The following WASL variants were observed in gnomAD, a reference collection of about 807,000 sequenced individuals.
WASL encodes actin nucleation-promoting factor WASL.
In WASL, 20 loss-of-function variants were observed where a neutral mutation model predicts 55.5. The observed-to-expected ratio is 0.36, with a 90% CI of 0.25 to 0.52. The LOEUF (loss-of-function observed/expected upper bound fraction) is 0.52. Ranked by LOEUF, WASL falls within the 20% of genes least tolerant of loss-of-function variation. The pLI, the probability that WASL is intolerant of heterozygous loss-of-function variation, is 0.92. For missense variants in WASL, 504 were observed against 622.5 expected, an observed-to-expected ratio of 0.81 and a Z score of 2.03; for synonymous variants, 249 against 217.6, an observed-to-expected ratio of 1.14 and a Z score of -1.27.
chr7:123,685,405 C>A (rs2109725), intron 10 of WASL, among the ~76,000 whole-genome samples: 1 of 151,542 alleles, frequency 6.6e-6, no homozygotes, highest in Non-Finnish European at 1.5e-5. Flanking sequence ...CCCTTAAACT[C>A]ACCAATCTTA....
intron 1 of WASL, among the ~76,000 whole-genome samples, chr7:123,711,388 A>T (rs1803755074): frequency 6.6e-6 from 1 of 152,216 alleles, no homozygotes; most frequent in Non-Finnish European, 1.5e-5. Context: ...AATTTTTCAC[A>T]GACAGGATAC....
chr7:123,689,549 G>A (rs13230230), intron 9 of WASL, among the ~76,000 whole-genome samples: 69,120 of 151,992 alleles, frequency 0.45, 15,989 homozygotes, highest in South Asian at 0.66. Flanking sequence ...GAGTTGTTAC[G>A]TGGGACGCAC....
At chr7:123,745,587 T>C (rs898467433) in intron 1 of WASL, among the ~76,000 whole-genome samples, 2 of 152,168 alleles carry the variant, frequency 1.3e-5, no homozygotes, top group Admixed American at 6.5e-5. Flanking sequence ...ACGTGGACTT[T>C]AGCAGTGGTT....
chr7:123,725,864 A>T (rs1240293142), intron 1 of WASL, among the ~76,000 whole-genome samples: 1 of 152,290 alleles, frequency 6.6e-6, no homozygotes, highest in South Asian at 2.1e-4. Context: ...TGGGATTTCA[A>T]TTCCTTCCCT....
intron 5 of WASL, among the ~76,000 whole-genome samples, chr7:123,701,473 G>C (rs565227350): frequency 6.6e-6 from 1 of 152,340 alleles, no homozygotes; most frequent in South Asian, 2.1e-4. Flanking sequence ...ACGAAGCTGA[G>C]AACAAATCAT....
At chr7:123,747,686 A>C (rs950173075) in intron 1 of WASL, among the ~76,000 whole-genome samples, 1 of 152,114 alleles carries the variant, frequency 6.6e-6, no homozygotes, top group Non-Finnish European at 1.5e-5. Context: ...ATTTCAACAA[A>C]CCACACTTCA....
chr7:123,693,505 T>C (rs1803445901), intron 8 of WASL, among the ~76,000 whole-genome samples: 1 of 152,246 alleles, frequency 6.6e-6, no homozygotes, highest in South Asian at 2.1e-4. Context: ...GTTGCTTTGT[T>C]GAAATGCTCA....
intron 1 of WASL, among the ~76,000 whole-genome samples, chr7:123,732,564 C>A (rs1292910775): frequency 6.6e-6 from 1 of 152,020 alleles, no homozygotes; most frequent in Non-Finnish European, 1.5e-5. Context: ...TTATTAATAA[C>A]CTTCCAAAGC....
chr7:123,689,277 C>T (rs957908965), intron 9 of WASL, 127 bp from the exon 10 acceptor site: 26 of 673,898 alleles, frequency 3.9e-5, no homozygotes, highest in South Asian at 3.2e-4. Context: ...AACTGGCAAG[C>T]GCAGGACAAG....
chr7:123,717,524 C>G lies in WASL; in HGVS notation c.118-8301G>C, dbSNP rs889420330. Among the ~76,000 whole-genome samples the G allele has an allele frequency of 2.0e-5, 3 of 152,292 alleles. No individual in the cohort carries two copies. In the South Asian group the frequency reaches 6.2e-4, roughly 32 times the overall value. ...GATGCATCCGGACTCAATCTTTAAC[C>G]CAAGGATTTGCATGAGTGTTGCCCA... On this transcript the variant is annotated intron_variant, in intron 1 of 10. Transcript: ENST00000223023.
intron 3 of WASL, 131 bp from the exon 4 acceptor site, chr7:123,706,504 T>C: frequency 1.1e-6 from 1 of 900,010 alleles, no homozygotes; most frequent in Non-Finnish European, 1.7e-6. Flanking sequence ...TAAGACATTA[T>C]TTTATGATCT....
chr7:123,692,614 T>C lies in WASL; in HGVS notation c.1080A>G (p.Pro360=). The C allele has an allele frequency of 6.2e-7, 1 of 1,600,886 alleles. No homozygotes were observed. The part of the protein sequence containing the change: ...LPSSAPSGPP[P]PPPSVLGVGP... ...CTACCCCCAACACAGATGGAGGTGG[T>C]GGTGGAGGCCCTGAAGGTGCTGAGG... is the stretch of plus-strand genomic sequence containing the variant. The change falls in exon 9 of 11, where the codon CCA becomes CCG. Residue 360 remains proline (P), a synonymous_variant. Transcript: ENST00000223023.
chr7:123,739,876 ATGTGTGTGTGTGTGTG>A (rs745649691), intron 1 of WASL, among the ~76,000 whole-genome samples: 5 of 115,528 alleles, frequency 4.3e-5, no homozygotes, highest in African/African-American at 9.4e-5. Context: ...ACATTTATAT[ATGTGTGTGTGTGTGTG>A]TGTGTGTGTG....
intron 1 of WASL, among the ~76,000 whole-genome samples, chr7:123,717,466 T>C (rs1803864897): frequency 6.6e-6 from 1 of 152,260 alleles, no homozygotes; most frequent in Non-Finnish European, 1.5e-5. Flanking sequence ...GCCTAGCTCC[T>C]AGCAGTAATT....
intron 1 of WASL, among the ~76,000 whole-genome samples, chr7:123,712,900 A>G (rs1428545410): frequency 6.6e-6 from 1 of 152,182 alleles, no homozygotes; most frequent in African/African-American, 2.4e-5. Context: ...TTTCAGAACA[A>G]CCACATTATG....
intron 2 of WASL, among the ~76,000 whole-genome samples, chr7:123,707,380 A>T (rs1054309277): frequency 1.3e-5 from 2 of 152,220 alleles, no homozygotes; most frequent in Non-Finnish European, 2.9e-5. Flanking sequence ...ATACTAGTAT[A>T]AGTAGTATTA....
intron 1 of WASL, among the ~76,000 whole-genome samples, chr7:123,727,097 C>T (rs1804058068): frequency 6.6e-6 from 1 of 152,048 alleles, no homozygotes; most frequent in Admixed American, 6.6e-5. Context: ...TACCATTAGT[C>T]ATCAAGGAAA....
chr7:123,744,266 T>A (rs1804393655), intron 1 of WASL, among the ~76,000 whole-genome samples: 1 of 152,112 alleles, frequency 6.6e-6, no homozygotes, highest in Non-Finnish European at 1.5e-5. Context: ...AAGACTAAAG[T>A]CCAGATACCA....
In WASL at chr7:123,695,804, G is replaced by C. The variant is rs377758171; in HGVS notation, c.672+19C>G. 1 of 1,610,742 alleles carries C rather than the reference G, an allele frequency of 6.2e-7. No homozygotes were observed. Among genetic ancestry groups the C allele is most frequent in the African/African-American group, 1.3e-5 (1 of 74,794 alleles). ...TTCCACATACAGTTATAACGTATATGATTTGAAAACATACTTACATCAAAG... is the reference window on the plus strand; with the variant it reads ...TTCCACATACAGTTATAACGTATATCATTTGAAAACATACTTACATCAAAG... On this transcript the variant is annotated intron_variant, in intron 7 of 10. Coordinates refer to ENST00000223023, the MANE Select transcript of WASL (RefSeq NM_003941.4).
Sources: gnomAD v4.1 joint callset for allele counts (sites outside exome capture counted in the v4.1 genomes callset) on GRCh38, gnomAD v4.1.1 for gene constraint, MANE v1.5 for transcripts, NCBI Gene and HGNC (gene_info 2026-07-23, HGNC 2026-07-21) for gene names.